The following ROCK1 variants were observed in gnomAD, a reference collection of about 807,000 sequenced individuals.
ROCK1 encodes rho-associated protein kinase 1.
Under a neutral mutation model 196.8 loss-of-function variants are expected in ROCK1, and 36 were observed. The observed-to-expected ratio is 0.18, with a 90% CI of 0.14 to 0.24. ROCK1 has a LOEUF of 0.24. ROCK1 is among the 10% of genes least tolerant of loss of function. The probability of loss-of-function intolerance (pLI) is 1.00; values close to 1 mark genes in which losing one functional copy is unlikely to be tolerated. For synonymous variants in ROCK1, 443 were observed against 515.9 expected (o/e 0.86, Z 1.91); for missense variants, 920 against 1,562.0 (o/e 0.59, Z 6.93).
At chr18:20,999,383 A>G (rs2035701125) in intron 16 of ROCK1, among the ~76,000 whole-genome samples, 1 of 152,182 alleles carries the variant, frequency 6.6e-6, no homozygotes, top group South Asian at 2.1e-4. Flanking sequence ...TACATTTAAT[A>G]TCATTTATAA....
chr18:21,082,927 C>G (rs1350269548), intron 1 of ROCK1, among the ~76,000 whole-genome samples: 1 of 152,030 alleles, frequency 6.6e-6, no homozygotes. Context: ...AGGTGGAAAA[C>G]TAAAGATTAC....
At chr18:20,993,513 T>C (rs1391197810) in intron 16 of ROCK1, among the ~76,000 whole-genome samples, 2 of 152,310 alleles carry the variant, frequency 1.3e-5, no homozygotes, top group African/African-American at 4.8e-5. Flanking sequence ...GAGTGCTCTT[T>C]CTAACCACAT....
chr18:21,050,632 T>C (rs1020725466), intron 2 of ROCK1, among the ~76,000 whole-genome samples: 1 of 152,202 alleles, frequency 6.6e-6, no homozygotes, highest in African/African-American at 2.4e-5. Flanking sequence ...TTGTACAAAA[T>C]ACACAGCAGC....
At chr18:21,053,429 T>C (rs1340536466) in intron 2 of ROCK1, among the ~76,000 whole-genome samples, 1 of 152,242 alleles carries the variant, frequency 6.6e-6, no homozygotes, top group Non-Finnish European at 1.5e-5. Context: ...TCTGGGAATG[T>C]CCAAAGTACA....
chr18:20,994,563 G>A (rs1453185802), intron 16 of ROCK1, among the ~76,000 whole-genome samples: 1 of 152,138 alleles, frequency 6.6e-6, no homozygotes, highest in Non-Finnish European at 1.5e-5. Context: ...AGGAGTTCTA[G>A]GAGAAAATCT....
At position 21,045,398 on chromosome 18, in the gene ROCK1, C is replaced by T; in HGVS notation, c.484G>A (p.Val162Ile). The T allele has an allele frequency of 6.2e-7, 1 of 1,613,748 alleles. No homozygotes were observed. The highest frequency in any genetic ancestry group is 8.5e-7 in the Non-Finnish European group (1 of 1,179,928). Residue 162 changes from valine (V) to isoleucine (I), a missense_variant, in exon 5 of 33, where the codon GTA becomes ATA. Val to Ile is a conservative substitution (Grantham distance 29, BLOSUM62 3). Coordinates refer to ENST00000399799, the MANE Select transcript of ROCK1 (RefSeq NM_005406.3). ...VMEYMPGGDLVNLMSNYDVPE... is the reference protein window; with the variant it reads ...VMEYMPGGDLINLMSNYDVPE... ...ACATCATAGTTGCTCATTAAGTTTA[C>T]AAGATCTCCACCAGGCATGTATTCC... is the stretch of plus-strand genomic sequence containing the variant.
chr18:20,985,140 G>A (rs1430920143), intron 19 of ROCK1, among the ~76,000 whole-genome samples: 2 of 151,510 alleles, frequency 1.3e-5, no homozygotes, highest in African/African-American at 2.4e-5. Context: ...TTTGAATGGA[G>A]TACTTAAATT....
intron 1 of ROCK1, among the ~76,000 whole-genome samples, chr18:21,096,384 A>T (rs1010160954): frequency 1.3e-5 from 2 of 152,046 alleles, no homozygotes; most frequent in African/African-American, 2.4e-5. Flanking sequence ...TATTTTTAGT[A>T]GAGACAGGGT....
intron 11 of ROCK1, among the ~76,000 whole-genome samples, chr18:21,022,481 A>G (rs981479183): frequency 2.6e-5 from 4 of 152,140 alleles, no homozygotes; most frequent in Admixed American, 1.3e-4. Flanking sequence ...TTGCCTTAAA[A>G]TCTACAGATT....
At chr18:20,958,994 TA>T (rs2035281663) in intron 29 of ROCK1, among the ~76,000 whole-genome samples, 2 of 85,898 alleles carry the variant, frequency 2.3e-5, no homozygotes, top group African/African-American at 9.5e-5. Context: ...TTATAAAAAA[TA>T]ATATATATAT....
At chr18:21,029,222 G>A (rs2035986071) in intron 9 of ROCK1, among the ~76,000 whole-genome samples, 1 of 152,122 alleles carries the variant, frequency 6.6e-6, no homozygotes, top group Non-Finnish European at 1.5e-5. Context: ...GTTTGTTTTA[G>A]AATGTACCAA....
chr18:20,972,040 A>C (rs1250475513), intron 22 of ROCK1, among the ~76,000 whole-genome samples: 1 of 152,144 alleles, frequency 6.6e-6, no homozygotes, highest in Non-Finnish European at 1.5e-5. Flanking sequence ...TTAAGATCAG[A>C]CAGTAGGGGG....
At chr18:20,992,990 G>T in intron 16 of ROCK1, 53 bp from the exon 17 acceptor site, 2 of 1,061,132 alleles carry the variant, frequency 1.9e-6, no homozygotes, top group South Asian at 1.4e-5. Flanking sequence ...AAGTCTTTTT[G>T]TTCAGTATTG....
In ROCK1 at chr18:21,088,058, T is replaced by C. The variant is rs1232626179; in HGVS notation, c.94-17445A>G. On this transcript the variant is annotated intron_variant, in intron 1 of 32. Coordinates refer to ENST00000399799, the MANE Select transcript of ROCK1 (RefSeq NM_005406.3). ...GGAAACTAAACAACAGATTTCTAAA[T>C]AATTTCTGGGTCAAAGGGAAAGCCT... Among the ~76,000 whole-genome samples the C allele has an allele frequency of 2.6e-5, 4 of 152,196 alleles. 1 individual carries two copies. In the East Asian group the frequency reaches 7.7e-4, roughly 29 times the overall value.
chr18:21,011,671 G>A (rs1221863111), intron 13 of ROCK1, among the ~76,000 whole-genome samples: 1 of 152,110 alleles, frequency 6.6e-6, no homozygotes, highest in Admixed American at 6.5e-5. Context: ...GCTCAGGCTG[G>A]TCTTGAACTC....
At chr18:21,033,854 T>TAAAAAAAAAAAAAAAAAAAAAAAAAAA (rs71269004) in intron 9 of ROCK1, among the ~76,000 whole-genome samples, 3 of 33,464 alleles carry the variant, frequency 9.0e-5, no homozygotes, top group African/African-American at 1.1e-4. Context: ...CCGTTTCTAC[T>TAAAAAAAAAAAAAAAAAAAAAAAAAAA]AAAAAAAAAA....
chr18:21,110,947 C>G lies in ROCK1; in HGVS notation c.-37G>C, dbSNP rs1382183967. 2 of 1,556,456 alleles carry G rather than the reference C, an allele frequency of 1.3e-6. No homozygotes were observed. Among genetic ancestry groups the G allele is most frequent in the South Asian group, 1.1e-5 (1 of 89,638 alleles). Reference sequence around the variant, plus strand: ...TGTGACAATGCCCTCTTACCAGCACCAGCAGCGGAAAGCAATTTCAACCAA... The same window carrying G: ...TGTGACAATGCCCTCTTACCAGCACGAGCAGCGGAAAGCAATTTCAACCAA... On this transcript the variant is annotated 5_prime_UTR_variant, in exon 1 of 33. Coordinates refer to ENST00000399799, the MANE Select transcript of ROCK1 (RefSeq NM_005406.3).
At chr18:20,952,383 A>AAATGAATGAATGAATGAATG (rs4007700) in intron 32 of ROCK1, among the ~76,000 whole-genome samples, 13 of 147,584 alleles carry the variant, frequency 8.8e-5, no homozygotes, top group East Asian at 4.1e-4. Context: ...CTCTGTCTCA[A>AAATGAATGAATGAATGAATG]AATGAATGAA....
intron 32 of ROCK1, among the ~76,000 whole-genome samples, chr18:20,952,050 GA>G (rs1249951088): frequency 1.1e-4 from 17 of 152,324 alleles, no homozygotes; most frequent in Admixed American, 3.9e-4. Context: ...TGTGTAAAAT[GA>G]GAACTTAATG....
Sources: allele counts gnomAD v4.1 joint callset (sites outside exome capture counted in the v4.1 genomes callset), GRCh38; gene constraint gnomAD v4.1.1; transcripts MANE v1.5; gene names NCBI Gene and HGNC (gene_info 2026-07-23, HGNC 2026-07-21).